Variants in OSBPL10 observed in about 807,000 individuals in gnomAD.
OSBPL10 encodes the protein oxysterol-binding protein-related protein 10.
In OSBPL10, 49 loss-of-function variants were observed where a neutral mutation model predicts 81.7. That is an observed-to-expected ratio of 0.60 (90% confidence interval 0.48 to 0.76). OSBPL10 has a LOEUF of 0.76. Ranked by LOEUF, OSBPL10 falls within the 30% of genes least tolerant of loss-of-function variation. The pLI is 0.00. For missense variants in OSBPL10, 923 were observed against 987.8 expected (o/e 0.93, Z 0.88); for synonymous variants, 419 against 383.6 (o/e 1.09, Z -1.08).
intron 2 of OSBPL10, among the ~76,000 whole-genome samples, chr3:32,035,933 C>T (rs1699514006): frequency 6.6e-6 from 1 of 152,158 alleles, no homozygotes; most frequent in Admixed American, 6.6e-5. Flanking sequence ...ACTCTGTATC[C>T]ATCAAACAGT....
chr3:31,856,141 A>T (rs1700908726), intron 3 of OSBPL10, among the ~76,000 whole-genome samples: 1 of 150,538 alleles, frequency 6.6e-6, no homozygotes, highest in South Asian at 2.1e-4. Flanking sequence ...GGCCTTCTTG[A>T]CCTAAAATGA....
intron 5 of OSBPL10, among the ~76,000 whole-genome samples, chr3:31,744,333 G>C (rs1366710505): frequency 6.6e-6 from 1 of 152,054 alleles, no homozygotes; most frequent in African/African-American, 2.4e-5. Context: ...CTGAGGTCAG[G>C]AGTTTGAGAC....
chr3:31,839,400 G>A (rs1000995949), intron 3 of OSBPL10, among the ~76,000 whole-genome samples: 3 of 152,060 alleles, frequency 2.0e-5, no homozygotes, highest in Non-Finnish European at 4.4e-5. Flanking sequence ...ACAACAATAA[G>A]CAAAACAAAT....
chr3:31,973,240 C>CA (rs375154866), intron 1 of OSBPL10, among the ~76,000 whole-genome samples: 21 of 152,304 alleles, frequency 1.4e-4, no homozygotes, highest in African/African-American at 4.6e-4. Flanking sequence ...TGAGGAAGCA[C>CA]ACCAAACGCA....
intron 1 of OSBPL10, among the ~76,000 whole-genome samples, chr3:31,936,537 C>G (rs1247534391): frequency 6.6e-6 from 1 of 152,148 alleles, no homozygotes; most frequent in Non-Finnish European, 1.5e-5. Context: ...TTCTTTTAAT[C>G]CACTTCAATG....
intron 6 of OSBPL10, chr3:31,704,587 T>A (rs993121700): frequency 1.3e-5 from 2 of 152,226 alleles, no homozygotes; most frequent in Non-Finnish European, 2.9e-5. Flanking sequence ...TTGCGGGCAA[T>A]TATTTTCTGC....
At chr3:31,863,279 G>A (rs182769812) in intron 3 of OSBPL10, among the ~76,000 whole-genome samples, 2 of 152,290 alleles carry the variant, frequency 1.3e-5, no homozygotes, top group African/African-American at 2.4e-5. Flanking sequence ...ATAGAAATGG[G>A]GGGTGACTGA....
chr3:31,843,614 C>G (rs946505568), intron 3 of OSBPL10, among the ~76,000 whole-genome samples: 1 of 152,176 alleles, frequency 6.6e-6, no homozygotes, highest in East Asian at 1.9e-4. Flanking sequence ...TCTGACATCT[C>G]TGATCATTGT....
At chr3:31,846,422 G>A (rs1032564805) in intron 3 of OSBPL10, among the ~76,000 whole-genome samples, 1 of 152,054 alleles carries the variant, frequency 6.6e-6, no homozygotes, top group Non-Finnish European at 1.5e-5. Context: ...TCAGGAGTTC[G>A]AGATCAGTCT....
rs1202768544 is a variant in OSBPL10 at position 31,743,144 on chromosome 3, G to A, written c.940+4766C>T. Reference sequence around the variant, plus strand: ...CAACCTCCACCTCCAGGGTTCAAGCGAATCTCCTGCCTCAGCCTCCTGAGT... The same window carrying A: ...CAACCTCCACCTCCAGGGTTCAAGCAAATCTCCTGCCTCAGCCTCCTGAGT... On this transcript the variant is annotated intron_variant, in intron 5 of 11. Coordinates refer to ENST00000396556, the MANE Select transcript of OSBPL10 (RefSeq NM_017784.5). Among the ~76,000 whole-genome samples the A allele has an allele frequency of 5.0e-5, 7 of 140,300 alleles. No individual in the cohort carries two copies. In the East Asian group the frequency reaches 1.4e-3, roughly 27 times the overall value. The allele number at this position is 140,300 out of a possible 152,430, so 92.0% of individuals were successfully genotyped here.
At chr3:31,870,890 CTG>C (rs1701306162) in intron 3 of OSBPL10, among the ~76,000 whole-genome samples, 1 of 152,136 alleles carries the variant, frequency 6.6e-6, no homozygotes, top group Non-Finnish European at 1.5e-5. Context: ...AATCGACACT[CTG>C]TATCTAGCTG....
At chr3:31,975,947 A>C (rs1698686181) in intron 1 of OSBPL10, among the ~76,000 whole-genome samples, 2 of 152,324 alleles carry the variant, frequency 1.3e-5, no homozygotes, top group South Asian at 4.1e-4. Context: ...CAAAAAAAGT[A>C]AAATATAAAG....
At chr3:31,974,335 G>A (rs193145794) in intron 1 of OSBPL10, among the ~76,000 whole-genome samples, 88 of 152,292 alleles carry the variant, frequency 5.8e-4, no homozygotes, top group African/African-American at 2.0e-3. Flanking sequence ...TACAACCACT[G>A]TGGAAAACTC....
chr3:31,923,406 G>A (rs7644177), intron 1 of OSBPL10, among the ~76,000 whole-genome samples: 95,669 of 151,996 alleles, frequency 0.63, 30,521 homozygotes, highest in East Asian at 0.92. Context: ...AAATGAGAAG[G>A]CACCAGAGGA....
rs1047586432 is a variant in OSBPL10, at chr3:32,062,189, C to A, written n.185+15207G>T. Among the ~76,000 whole-genome samples the A allele has an allele frequency of 5.4e-5, 5 of 93,010 alleles. 1 individual carries two copies. The highest frequency in any genetic ancestry group is 8.6e-5 in the Non-Finnish European group (3 of 34,724). 61.0% of individuals were successfully genotyped at this position (93,010 alleles called of 152,430 possible). A position where few individuals can be genotyped will look rare whatever the true frequency, so the allele number is the denominator to read the frequency against. ...GTGGCACAATCTCGGCTCACTGCAA[C>A]CTCCACCTCCCAGGTTCAAGAGATT... On this transcript the variant is annotated intron_variant and non_coding_transcript_variant, in intron 1 of 3. Coordinates refer to the OSBPL10 transcript ENST00000479173.
intron 1 of OSBPL10, among the ~76,000 whole-genome samples, chr3:32,067,138 TAA>T (rs556517007): frequency 6.7e-6 from 1 of 150,280 alleles, no homozygotes; most frequent in South Asian, 2.1e-4. Flanking sequence ...GGAACACCTT[TAA>T]AAAAAAAATC....
intron 6 of OSBPL10, among the ~76,000 whole-genome samples, chr3:31,731,414 A>C (rs1003805555): frequency 5.9e-5 from 9 of 152,248 alleles, no homozygotes; most frequent in African/African-American, 2.2e-4. Context: ...ACTTTAATGA[A>C]AAAAGCTCTG....
At chr3:31,684,817 C>T (rs1463051099) in intron 7 of OSBPL10, among the ~76,000 whole-genome samples, 1 of 152,172 alleles carries the variant, frequency 6.6e-6, no homozygotes, top group African/African-American at 2.4e-5. Flanking sequence ...CCAGGAGAAA[C>T]CAGTGGAAGT....
At chr3:31,854,180 G>T (rs938945184) in intron 3 of OSBPL10, among the ~76,000 whole-genome samples, 1 of 149,302 alleles carries the variant, frequency 6.7e-6, no homozygotes, top group African/African-American at 2.5e-5. Flanking sequence ...CCCAAAGATA[G>T]CATACAGAAT....
Sources: gnomAD v4.1 joint callset for allele counts (sites outside exome capture counted in the v4.1 genomes callset) on GRCh38, gnomAD v4.1.1 for gene constraint, MANE v1.5 for transcripts, NCBI Gene and HGNC (gene_info 2026-07-23, HGNC 2026-07-21) for gene names.